The following CFAP69 variants were observed in gnomAD, a reference collection of about 807,000 sequenced individuals.
CFAP69 encodes cilia- and flagella-associated protein 69.
In CFAP69, 92 loss-of-function variants were observed where a neutral mutation model predicts 123.0. The ratio of observed to expected loss-of-function variants is 0.75; its 90% CI spans 0.63 to 0.89. The LOEUF (loss-of-function observed/expected upper bound fraction) is 0.89, where lower values mean the gene tolerates loss of function less well. Among genes scored for constraint, CFAP69 ranks in the 40% least tolerant of loss-of-function variants. The probability of loss-of-function intolerance (pLI) is 0.00; values close to 1 mark genes in which losing one functional copy is unlikely to be tolerated. For missense variants in CFAP69, 1,067 were observed against 1,096.9 expected (o/e 0.97, Z 0.39); for synonymous variants, 380 against 364.3 (o/e 1.04, Z -0.49).
At chr7:90,303,910 A>G in intron 17 of CFAP69, 59 bp from the exon 18 acceptor site, 1 of 1,456,270 alleles carries the variant, frequency 6.9e-7, no homozygotes, top group Non-Finnish European at 9.1e-7. Flanking sequence ...AAAATTAAGT[A>G]TTTGTTTACT....
At chr7:90,319,498 G>A in the CFAP69 span, 428 of 398,564 alleles carry the variant, frequency 1.1e-3, no homozygotes, top group Non-Finnish European at 1.7e-3. Flanking sequence ...ATAATGTCCA[G>A]GCCGCTGAGA....
intron 9 of CFAP69, 102 bp downstream of exon 9, chr7:90,274,212 T>C (rs1247006161): frequency 1.9e-5 from 26 of 1,336,346 alleles, no homozygotes; most frequent in Admixed American, 5.1e-5. Flanking sequence ...TTTCTTGTAA[T>C]GCTAAGTTAT....
intron 13 of CFAP69, among the ~76,000 whole-genome samples, chr7:90,283,886 C>CAATAAT (rs1043101554): frequency 6.6e-6 from 1 of 151,328 alleles, no homozygotes; most frequent in Non-Finnish European, 1.5e-5. Context: ...TGGTGCTCTC[C>CAATAAT]AATAATAATA....
chr7:90,264,104 A>AAAATAT (rs1554354285), intron 4 of CFAP69, among the ~76,000 whole-genome samples: 3 of 48,882 alleles, frequency 6.1e-5, no homozygotes, highest in African/African-American at 7.2e-5. Context: ...AAAAAAAAAA[A>AAAATAT]ATATATATAT....
rs771491640 is a variant in CFAP69 at position 90,277,062 on chromosome 7, AT to A, written c.985-8del. Reference sequence around the variant, plus strand: ...ATTCATCTTTCTGCTTATTTTATGTATTTATATTAGGAATGTGGCTTTACCA... The same window carrying A: ...ATTCATCTTTCTGCTTATTTTATGTATTATATTAGGAATGTGGCTTTACCA... On this transcript the variant is annotated splice_polypyrimidine_tract_variant and intron_variant, in intron 9 of 22. Coordinates refer to ENST00000389297, the MANE Select transcript of CFAP69 (RefSeq NM_001039706.3). 2 of 1,538,466 alleles carry A rather than the reference AT, an allele frequency of 1.3e-6. No homozygotes were observed. Among genetic ancestry groups the A allele is most frequent in the South Asian group, 2.5e-5 (2 of 81,560 alleles).
At chr7:90,307,723 AAAG>A in intron 20 of CFAP69, 42 bp from the exon 21 acceptor site, 1 of 1,379,534 alleles carries the variant, frequency 7.2e-7, no homozygotes, top group Admixed American at 2.2e-5. Context: ...CAAAAAAAAA[AAAG>A]AAAAAAAAGA....
rs1798774946 is a variant in CFAP69, at chr7:90,264,107, ATATATATATATAT to A, written c.357-1193_357-1181del. ...CTCCATCTCGAAAAAAAAAAAAAAT[ATATATATATATAT>A]ATATATATATATATATATATATATA... On this transcript the variant is annotated intron_variant, in intron 4 of 22. Transcript: ENST00000389297. Among the ~76,000 whole-genome samples, 216 of 61,988 alleles carry A rather than the reference ATATATATATATAT, an allele frequency of 3.5e-3. 20 individuals carry two copies. The highest frequency in any genetic ancestry group is 8.8e-3 in the Middle Eastern group (1 of 114). 40.7% of individuals were successfully genotyped at this position (61,988 alleles called of 152,430 possible). A position where few individuals can be genotyped will look rare whatever the true frequency, so the allele number is the denominator to read the frequency against.
Position 90,271,793 on chromosome 7 carries a change from C to A in CFAP69, c.695C>A (p.Thr232Asn), listed in dbSNP as rs1295290351. 3 of 1,579,102 alleles carry A rather than the reference C, an allele frequency of 1.9e-6. No individual in the cohort carries two copies. Among genetic ancestry groups the A allele is most frequent in the Admixed American group, 3.6e-5 (2 of 54,806 alleles). The change falls in exon 8 of 23, where the codon ACT (threonine) becomes AAT (asparagine). Residue 232 changes from threonine to asparagine, a missense_variant. Physicochemically the swap from Thr to Asn is moderately conservative, Grantham distance 65 (BLOSUM62 0). Transcript: ENST00000389297. ...AATTTATTTTCAGAAGTTAATTGTA[C>A]TATAATGATGAAAGCACAAGCAGCC... is the stretch of plus-strand genomic sequence containing the variant. Reference protein sequence around the residue: ...QHLSTSEVNCTIMMKAQAASG... With the variant: ...QHLSTSEVNCNIMMKAQAASG...
downstream of CFAP69, among the ~76,000 whole-genome samples, chr7:90,314,669 T>C (rs957959444): frequency 7.3e-5 from 11 of 150,538 alleles, no homozygotes; most frequent in African/African-American, 2.7e-4. Context: ...TGTACCATCC[T>C]TGCAACTTCT....
In CFAP69 at chr7:90,253,358, GGTT is replaced by G. The variant is rs537458424; in HGVS notation, c.121-2061_121-2059del. Among the ~76,000 whole-genome samples, 22 of 151,928 alleles carry G rather than the reference GGTT, an allele frequency of 1.4e-4. No homozygotes were observed. In the East Asian group the frequency reaches 3.9e-3, roughly 27 times the overall value. The stretch of plus-strand genomic sequence containing the variant: ...ATTATTTCATTTTTGTTGTTGTTGG[GGTT>G]GTTTGTTTTGTTTTGTTTTGCTATT... On this transcript the variant is annotated intron_variant, in intron 1 of 22. Coordinates refer to ENST00000389297, the MANE Select transcript of CFAP69 (RefSeq NM_001039706.3).
At chr7:90,319,797 G>A in the CFAP69 span, 1 of 398,144 alleles carries the variant, frequency 2.5e-6, no homozygotes, top group Admixed American at 4.4e-5. Flanking sequence ...ACTTAAAAAA[G>A]TTATTCAATC....
downstream of CFAP69, among the ~76,000 whole-genome samples, chr7:90,311,408 A>G (rs1405332930): frequency 6.6e-6 from 1 of 152,242 alleles, no homozygotes; most frequent in African/African-American, 2.4e-5. Flanking sequence ...CTAGCTTTCC[A>G]GGAGGGAAAA....
intron 15 of CFAP69, among the ~76,000 whole-genome samples, chr7:90,290,743 GTCTTTTCTTTTCTTTTCTTTTCTTT>G (rs68042620): frequency 0.16 from 19,957 of 121,810 alleles, 1,825 homozygotes; most frequent in African/African-American, 0.2. Context: ...TAGAAACAAT[GTCTTTTCTTTTCTTTTCTTTTCTTT>G]TCTTTTCTTT....
rs1790610302 is a variant in CFAP69, at chr7:90,288,367, A to C, written c.1775+15A>C. 6.2e-7 allele frequency: 1 copy of C among 1,602,044 alleles called. No homozygotes were observed. The highest frequency in any genetic ancestry group is 8.5e-7 in the Non-Finnish European group (1 of 1,172,990). The stretch of plus-strand genomic sequence containing the variant: ...GACAGCATTTGGTGAGTATTGCTAT[A>C]ATCAAATTAGGTAGACTCACAGCAG... On this transcript the variant is annotated intron_variant, in intron 15 of 22. Transcript: ENST00000389297.
intron 15 of CFAP69, among the ~76,000 whole-genome samples, chr7:90,296,412 C>T (rs1260042519): frequency 6.6e-6 from 1 of 152,032 alleles, no homozygotes; most frequent in Non-Finnish European, 1.5e-5. Context: ...ACTGCAACCT[C>T]CTCCTCCTGG....
chr7:90,262,181 C>A, intron 4 of CFAP69, 125 bp downstream of exon 4: 2 of 575,510 alleles, frequency 3.5e-6, no homozygotes, highest in South Asian at 2.4e-5. Flanking sequence ...AACTTCAGTT[C>A]ATCACTTGAT....
chr7:90,255,478 A>T lies in CFAP69; in HGVS notation c.176A>T (p.Asp59Val). ...NRVIKLLEET[D>V]KDGLEEKQLK... The stretch of plus-strand genomic sequence containing the variant: ...GTCATCAAACTCCTCGAAGAGACTG[A>T]TAAAGTGAGTAAGCTTTGAGAGAAA... The change falls in exon 2 of 23, where the codon GAT (aspartate) becomes GTT (valine). Residue 59 changes from aspartate (D) to valine (V), a missense_variant. Transcript: ENST00000389297. The T allele has an allele frequency of 6.2e-7, 1 of 1,611,650 alleles. No homozygotes were observed. Among genetic ancestry groups the T allele is most frequent in the Non-Finnish European group, 8.5e-7 (1 of 1,178,348 alleles).
chr7:90,280,075 G>A (rs879503531), intron 12 of CFAP69, among the ~76,000 whole-genome samples, 182 bp downstream of exon 12: 20 of 152,266 alleles, frequency 1.3e-4, no homozygotes, highest in Non-Finnish European at 2.5e-4. Flanking sequence ...AAAGTCAGAC[G>A]TCAGTAAATG....
chr7:90,280,139 T>C (rs1789249454), intron 12 of CFAP69, among the ~76,000 whole-genome samples: 1 of 152,228 alleles, frequency 6.6e-6, no homozygotes, highest in Admixed American at 6.5e-5. Flanking sequence ...AATTTTTGTA[T>C]TATTAGACCT....
Sources: gnomAD v4.1 joint callset for allele counts (sites outside exome capture counted in the v4.1 genomes callset) on GRCh38, gnomAD v4.1.1 for gene constraint, MANE v1.5 for transcripts, NCBI Gene and HGNC (gene_info 2026-07-23, HGNC 2026-07-21) for gene names.